SMS: variants seen among roughly 807,000 people sequenced by gnomAD.
SMS encodes the protein spermidine aminopropyltransferase.
A neutral mutation model predicts 33.0 loss-of-function variants in SMS; 3 were observed. That is an observed-to-expected ratio of 0.09 (90% CI 0.04 to 0.23). The LOEUF is 0.23. Among genes scored for constraint, SMS ranks in the 10% least tolerant of loss-of-function variants. SMS has a pLI of 1.00. For missense variants in SMS, 117 were observed against 288.6 expected (o/e 0.41, Z 4.31); for synonymous variants, 103 against 112.2 (o/e 0.92, Z 0.52).
chrX:21,944,190 C>G (rs1231713952), intron 1 of SMS, among the ~76,000 whole-genome samples: 1 of 110,876 alleles, frequency 9.0e-6, no homozygotes, highest in Non-Finnish European at 1.9e-5. Context: ...TTTATTTTTG[C>G]TTTTAAAAAA....
Position 21,978,087 on chromosome X carries a change from A to G in SMS, c.633A>G (p.Leu211=), listed in dbSNP as rs764036221. ...DGGILCEIVK[L]KPKMVTMVEI... is the part of the protein sequence containing the mutation. ...GCATATTGTGTGAAATAGTCAAACTAAAACCAAAGATGGTCACTATGGTAG... is the reference window on the plus strand; with the variant it reads ...GCATATTGTGTGAAATAGTCAAACTGAAACCAAAGATGGTCACTATGGTAG... The change falls in exon 6 of 11, where the codon CTA becomes CTG. Residue 211 remains leucine (L), a synonymous_variant. Transcript: ENST00000404933. The G allele has an allele frequency of 1.7e-6, 2 of 1,209,952 alleles. No individual in the cohort carries two copies. Among genetic ancestry groups the G allele is most frequent in the South Asian group, 3.5e-5 (2 of 56,983 alleles).
intron 1 of SMS, among the ~76,000 whole-genome samples, chrX:21,952,421 GTTTT>G (rs545894421): frequency 1.2e-4 from 4 of 33,465 alleles, no homozygotes; most frequent in East Asian, 1.0e-3. Context: ...TTGTTTGTTT[GTTTT>G]TTTTTTTTTT....
chrX:21,963,567 G>C (rs765185480), intron 1 of SMS, among the ~76,000 whole-genome samples: 3 of 112,158 alleles, frequency 2.7e-5, no homozygotes, highest in Non-Finnish European at 3.8e-5. Flanking sequence ...CCCACACGGT[G>C]CCTTTCTGTT....
chrX:21,970,777 C>G (rs1410756789), intron 2 of SMS, among the ~76,000 whole-genome samples: 2 of 102,963 alleles, frequency 1.9e-5, no homozygotes, highest in Non-Finnish European at 3.9e-5. Flanking sequence ...TCCAAGCACA[C>G]TGTCTGTATT....
intron 1 of SMS, chrX:21,941,393 G>A (rs1173605991): frequency 1.8e-5 from 4 of 220,597 alleles, no homozygotes; most frequent in Non-Finnish European, 3.3e-5. Flanking sequence ...GGGGGCGGGG[G>A]TTTCCCCTCG....
In SMS at chrX:21,953,415, C is replaced by T. The variant is rs541841518; in HGVS notation, c.49+12542C>T. On this transcript the variant is annotated intron_variant, in intron 1 of 10. Transcript: ENST00000404933. ...ACTTTTTAAGGAAAAACATGTTTTA[C>T]GACTTGAGTTTGTCTAGTGACCTTG... is the stretch of plus-strand genomic sequence containing the variant. Among the ~76,000 whole-genome samples the T allele has an allele frequency of 1.7e-4, 19 of 111,885 alleles. No homozygotes were observed. In the South Asian group the frequency reaches 6.7e-3, roughly 40 times the overall value.
intron 10 of SMS, among the ~76,000 whole-genome samples, chrX:21,993,865 C>G (rs2146961206): frequency 9.2e-6 from 1 of 109,166 alleles, no homozygotes; most frequent in South Asian, 4.0e-4. Flanking sequence ...TCCTTCCTTC[C>G]CTCTCCTTTC....
At chrX:21,972,017 G>A (rs367593877) in intron 3 of SMS, 27 bp downstream of exon 3, 2 of 960,024 alleles carry the variant, frequency 2.1e-6, no homozygotes, top group Non-Finnish European at 3.0e-6. Flanking sequence ...CATTTACTCA[G>A]TGTTTAAGGA....
rs183877622 is a variant in SMS, at chrX:21,984,444, A to G, written c.865+26A>G. On this transcript the variant is annotated intron_variant, in intron 8 of 10. Coordinates refer to ENST00000404933, the MANE Select transcript of SMS (RefSeq NM_004595.5). Reference sequence around the variant, plus strand: ...GTAGATTTTTTTAACCAAGATATTTATGATGGAAATGTTTCTCTTGGCACC... The same window carrying G: ...GTAGATTTTTTTAACCAAGATATTTGTGATGGAAATGTTTCTCTTGGCACC... 2.6e-4 allele frequency: 229 copies of G among 887,533 alleles called. No homozygotes were observed. The African/African-American group carries it at 4.0e-3, about 15-fold the overall frequency. 73.1% of individuals were successfully genotyped at this position (887,533 alleles called of 1,213,427 possible). A position where few individuals can be genotyped will look rare whatever the true frequency, so the allele number is the denominator to read the frequency against.
At chrX:21,940,947 G>C (rs1399452376) in intron 1 of SMS, 74 bp downstream of exon 1, 1 of 606,628 alleles carries the variant, frequency 1.6e-6, no homozygotes, top group African/African-American at 2.5e-5. Flanking sequence ...GCGGGGGTCG[G>C]GCGTGGCGTG....
At chrX:21,950,433 C>CTTTTTT (rs55704293) in intron 1 of SMS, among the ~76,000 whole-genome samples, 2 of 76,814 alleles carry the variant, frequency 2.6e-5, no homozygotes, top group Non-Finnish European at 5.0e-5. Context: ...TATGACAGGA[C>CTTTTTT]TTTTTTTTTT....
intron 9 of SMS, among the ~76,000 whole-genome samples, chrX:21,991,490 T>C (rs1229403858): frequency 1.8e-5 from 2 of 112,204 alleles, no homozygotes; most frequent in Non-Finnish European, 3.8e-5. Flanking sequence ...ACAGTAATTT[T>C]CTTAAGAAAC....
chrX:21,985,615 A>G (rs1221689179), intron 9 of SMS, among the ~76,000 whole-genome samples: 1 of 112,214 alleles, frequency 8.9e-6, no homozygotes, highest in Non-Finnish European at 1.9e-5. Flanking sequence ...AATTGGGGTT[A>G]AAAATATACA....
chrX:21,941,366 G>C (rs1391360284), intron 1 of SMS: 6 of 240,969 alleles, frequency 2.5e-5, no homozygotes, highest in South Asian at 3.9e-5. Context: ...TCTTGCAGGC[G>C]GGTAAATTTC....
At chrX:21,968,900 T>C (rs886821048) in intron 2 of SMS, among the ~76,000 whole-genome samples, 3 of 111,728 alleles carry the variant, frequency 2.7e-5, no homozygotes, top group African/African-American at 9.8e-5. Context: ...ACAACACCCG[T>C]TCCCCAATAA....
chrX:21,990,240 C>T (rs983738561), intron 9 of SMS, among the ~76,000 whole-genome samples: 1 of 112,263 alleles, frequency 8.9e-6, no homozygotes, highest in African/African-American at 3.2e-5. Flanking sequence ...TTTGAGGCTG[C>T]ACTGAGCTAT....
chrX:21,966,844 T>C (rs187904017), intron 1 of SMS, among the ~76,000 whole-genome samples: 13 of 111,247 alleles, frequency 1.2e-4, no homozygotes, highest in Non-Finnish European at 1.3e-4. Context: ...TGCATTTCTT[T>C]AATTTCTGCT....
At chrX:21,948,901 A>C (rs1405521795) in intron 1 of SMS, among the ~76,000 whole-genome samples, 1 of 112,062 alleles carries the variant, frequency 8.9e-6, no homozygotes, top group Non-Finnish European at 1.9e-5. Flanking sequence ...GTTCTTTTGA[A>C]AAGTCAGAAA....
At chrX:21,972,285 A>T (rs1046681516) in intron 3 of SMS, among the ~76,000 whole-genome samples, 2 of 111,615 alleles carry the variant, frequency 1.8e-5, no homozygotes, top group Non-Finnish European at 3.8e-5. Context: ...CTTCCGTGTT[A>T]CTTTGTTGCT....
Sources: gnomAD v4.1 joint callset for allele counts (sites outside exome capture counted in the v4.1 genomes callset) on GRCh38, gnomAD v4.1.1 for gene constraint, MANE v1.5 for transcripts, NCBI Gene and HGNC (gene_info 2026-07-23, HGNC 2026-07-21) for gene names.